Variants in DISC1 observed in about 807,000 individuals in gnomAD.
The protein encoded by DISC1 is DISC1 scaffold protein.
Under a neutral mutation model 84.5 loss-of-function variants are expected in DISC1, and 57 were observed. That is an observed-to-expected ratio of 0.67 (90% CI 0.55 to 0.84). The LOEUF is 0.84. Ranked by LOEUF, DISC1 falls within the 40% of genes least tolerant of loss-of-function variation. DISC1 has a pLI of 0.00. For synonymous variants in DISC1, 411 were observed against 415.2 expected (o/e 0.99, Z 0.12); for missense variants, 1,000 against 1,057.8 (o/e 0.95, Z 0.76).
At position 231,694,280 on chromosome 1, in the gene DISC1, AG is replaced by A. The variant is rs1381176295; in HGVS notation, c.524del (p.Gly175AlafsTer8). On this transcript the variant is annotated frameshift_variant, in exon 2 of 13. Coordinates refer to ENST00000439617, the MANE Select transcript of DISC1 (RefSeq NM_018662.3). LOFTEE classifies it high-confidence loss of function. ...ATGGAGCAAGGCGTGTCCGGGCAGC[AG>A]GCTCTCTGCCATCAGCAGAGTTGAG... is the stretch of plus-strand genomic sequence containing the variant. ...SDGARRVRAAGSLPSAELSSN... is the reference protein window; with the variant it reads ...SDGARRVRAAXSLPSAELSSN... 1 of 1,614,254 alleles carries A rather than the reference AG, an allele frequency of 6.2e-7. No individual in the cohort carries two copies. Among genetic ancestry groups the A allele is most frequent in the African/African-American group, 1.3e-5 (1 of 75,076 alleles).
intron 8 of DISC1, among the ~76,000 whole-genome samples, chr1:231,815,959 G>C (rs1242590937): frequency 1.3e-5 from 2 of 152,106 alleles, no homozygotes; most frequent in African/African-American, 4.8e-5. Flanking sequence ...TTGATGACAT[G>C]TTTTCATTTC....
intron 9 of DISC1, among the ~76,000 whole-genome samples, chr1:231,824,750 G>GAT (rs1043908549): frequency 3.9e-5 from 6 of 152,166 alleles, no homozygotes; most frequent in Non-Finnish European, 5.9e-5. Flanking sequence ...CATAGCACCT[G>GAT]ATATATATAG....
At chr1:231,974,311 TATG>T (rs1346564364) in intron 10 of DISC1, among the ~76,000 whole-genome samples, 1 of 152,156 alleles carries the variant, frequency 6.6e-6, no homozygotes, top group East Asian at 1.9e-4. Flanking sequence ...TATGCCGAAA[TATG>T]ATATCATTTA....
chr1:231,789,675 C>T (rs2125582325), intron 6 of DISC1, among the ~76,000 whole-genome samples: 1 of 152,250 alleles, frequency 6.6e-6, no homozygotes, highest in East Asian at 1.9e-4. Flanking sequence ...CTGTCTCCTC[C>T]TGTATAAATG....
At chr1:231,778,540 A>C (rs2077136994) in intron 6 of DISC1, among the ~76,000 whole-genome samples, 1 of 152,130 alleles carries the variant, frequency 6.6e-6, no homozygotes, top group Non-Finnish European at 1.5e-5. Flanking sequence ...GACCTGAGCA[A>C]AGCCTGCTTT....
intron 1 of DISC1, among the ~76,000 whole-genome samples, chr1:231,639,997 A>G (rs1275122704): frequency 6.6e-6 from 1 of 152,228 alleles, no homozygotes; most frequent in Non-Finnish European, 1.5e-5. Context: ...GTTCCCACTA[A>G]GTAGGATAAA....
At chr1:231,898,238 G>A (rs573603863) in intron 9 of DISC1, among the ~76,000 whole-genome samples, 25 of 152,252 alleles carry the variant, frequency 1.6e-4, no homozygotes, top group African/African-American at 5.3e-4. Context: ...TAACCCATCC[G>A]TGCAAATGTC....
In DISC1 at chr1:232,036,931, G is replaced by A; in HGVS notation, c.*100G>A. The A allele has an allele frequency of 1.5e-6, 2 of 1,316,478 alleles. No individual in the cohort carries two copies. The highest frequency in any genetic ancestry group is 2.0e-6 in the Non-Finnish European group (2 of 992,498). 81.5% of individuals were successfully genotyped at this position (1,316,478 alleles called of 1,614,324 possible). A position where few individuals can be genotyped will look rare whatever the true frequency, so the allele number is the denominator to read the frequency against. ...AGCTAAGATGCCTGAATCAATTACG[G>A]AGATACAGAGCCTTGAGGTCTTTCA... On this transcript the variant is annotated 3_prime_UTR_variant, in exon 13 of 13. Transcript: ENST00000439617.
chr1:231,874,607 C>T (rs1199208634), intron 9 of DISC1, among the ~76,000 whole-genome samples: 1 of 151,770 alleles, frequency 6.6e-6, no homozygotes, highest in African/African-American at 2.4e-5. Flanking sequence ...CTGTATTAAC[C>T]ATCTGAATTA....
chr1:231,660,470 A>C (rs1094654), intron 1 of DISC1, among the ~76,000 whole-genome samples: 2 of 151,044 alleles, frequency 1.3e-5, no homozygotes, highest in African/African-American at 4.9e-5. Flanking sequence ...CCAAAAAAAA[A>C]ATATATATAT....
chr1:231,919,703 T>A (rs1205697748), intron 9 of DISC1, among the ~76,000 whole-genome samples: 7 of 152,338 alleles, frequency 4.6e-5, no homozygotes, highest in African/African-American at 1.7e-4. Context: ...AGGGCTGCTA[T>A]TTTTAGCTAT....
rs892131057 is a variant in DISC1, at chr1:231,694,058, C to T, written c.300C>T (p.Ser100=). 1 of 1,614,068 alleles carries T rather than the reference C, an allele frequency of 6.2e-7. No homozygotes were observed. The highest frequency in any genetic ancestry group is 8.5e-7 in the Non-Finnish European group (1 of 1,180,034). The part of the protein sequence containing the change: ...SRGLLVRSPV[S]KSAAAPTVTS... The stretch of plus-strand genomic sequence containing the variant: ...GCCTCTTGGTCCGGAGCCCTGTTTC[C>T]AAGAGTGCAGCAGCCCCTACTGTGA... Residue 100 remains serine, a synonymous_variant, in exon 2 of 13, where the codon TCC becomes TCT. Transcript: ENST00000439617.
Position 231,698,069 on chromosome 1 carries a change from T to C in DISC1, c.1047+3264T>C, listed in dbSNP as rs1357841616. Among the ~76,000 whole-genome samples, 1 of 152,156 alleles carries C rather than the reference T, an allele frequency of 6.6e-6. No individual in the cohort carries two copies. The highest frequency in any genetic ancestry group is 2.4e-5 in the African/African-American group (1 of 41,432). ...TATTCAGGCATGAGTTAGAGTGCTG[T>C]TGGCCAGAGTACAATGCTTATGGAT... On this transcript the variant is annotated intron_variant, in intron 2 of 12. Coordinates refer to ENST00000439617, the MANE Select transcript of DISC1 (RefSeq NM_018662.3). This position sits in a 1 kb window ranked among gnomAD's most constrained non-coding sequence, Gnocchi z 4.9.
chr1:231,912,864 T>C (rs1038368255), intron 9 of DISC1, among the ~76,000 whole-genome samples: 1 of 150,408 alleles, frequency 6.6e-6, no homozygotes, highest in Non-Finnish European at 1.5e-5. Context: ...TCCTCCTCCT[T>C]CTTTCCTTCC....
chr1:231,901,475 C>T (rs1216104668), intron 9 of DISC1, among the ~76,000 whole-genome samples: 1 of 152,172 alleles, frequency 6.6e-6, no homozygotes, highest in Non-Finnish European at 1.5e-5. Flanking sequence ...GTTGCTTCTT[C>T]TTAGCTACCT....
chr1:231,980,445 C>T (rs1663432749), intron 10 of DISC1, among the ~76,000 whole-genome samples: 1 of 152,104 alleles, frequency 6.6e-6, no homozygotes, highest in African/African-American at 2.4e-5. Flanking sequence ...TAATGTTTTA[C>T]TCATTATAAT....
intron 10 of DISC1, among the ~76,000 whole-genome samples, chr1:231,973,541 A>G (rs1030074620): frequency 1.3e-4 from 20 of 152,226 alleles, no homozygotes; most frequent in African/African-American, 4.6e-4. Flanking sequence ...ATCTGGTTTC[A>G]AAACATAAGA....
rs1345981069 is a variant in DISC1 at position 231,826,837 on chromosome 1, T to C, written c.1981+8320T>C. Among the ~76,000 whole-genome samples, 1 of 152,258 alleles carries C rather than the reference T, an allele frequency of 6.6e-6. No individual in the cohort carries two copies. The highest frequency in any genetic ancestry group is 1.5e-5 in the Non-Finnish European group (1 of 68,048). Reference sequence around the variant, plus strand: ...ATTGGTTATTAGATTGATACATTACTCAGTTCCTGGTAAAGAAGTAGTTAG... The same window carrying C: ...ATTGGTTATTAGATTGATACATTACCCAGTTCCTGGTAAAGAAGTAGTTAG... On this transcript the variant is annotated intron_variant, in intron 9 of 12. Transcript: ENST00000439617. The surrounding 1 kb of genome is among the most constrained non-coding windows in gnomAD (Gnocchi z 4.2).
intron 3 of DISC1, among the ~76,000 whole-genome samples, chr1:231,711,243 T>C (rs1339772884): frequency 6.6e-6 from 1 of 151,762 alleles, no homozygotes; most frequent in Non-Finnish European, 1.5e-5. Context: ...CACCAAGGAG[T>C]ATACAGCCTA....
Sources: allele counts gnomAD v4.1 joint callset (sites outside exome capture counted in the v4.1 genomes callset), GRCh38; gene constraint gnomAD v4.1.1; non-coding constraint Gnocchi (gnomAD v3.1); transcripts MANE v1.5; gene names NCBI Gene and HGNC (gene_info 2026-07-23, HGNC 2026-07-21).